The following PACC1 variants were observed in gnomAD, a reference collection of about 807,000 sequenced individuals.
The protein encoded by PACC1 is proton activated chloride channel 1.
Under a neutral mutation model 39.7 loss-of-function variants are expected in PACC1, and 34 were observed. The ratio of observed to expected loss-of-function variants is 0.86; its 90% CI spans 0.65 to 1.14. The LOEUF (loss-of-function observed/expected upper bound fraction) is 1.14, where lower values mean the gene tolerates loss of function less well. Among genes scored for constraint, PACC1 ranks in the 50% most tolerant of loss-of-function variants. The pLI is 0.00. For synonymous variants in PACC1, 127 were observed against 160.6 expected, an observed-to-expected ratio of 0.79 and a Z score of 1.58; for missense variants, 379 against 436.4, an observed-to-expected ratio of 0.87 and a Z score of 1.17.
chr1:212,408,766 G>C (rs1035070585), intron 2 of PACC1, among the ~76,000 whole-genome samples: 7 of 152,214 alleles, frequency 4.6e-5, no homozygotes, highest in African/African-American at 1.7e-4. Flanking sequence ...TTGAAGTCAG[G>C]CTGGGGCTTC....
intron 7 of PACC1, among the ~76,000 whole-genome samples, chr1:212,368,818 G>C (rs1378267457): frequency 1.3e-5 from 2 of 152,022 alleles, no homozygotes; most frequent in Non-Finnish European, 2.9e-5. Flanking sequence ...GGATCACAAG[G>C]TCATGAGATC....
chr1:212,409,776 C>T (rs756876785), intron 2 of PACC1, among the ~76,000 whole-genome samples: 2 of 152,106 alleles, frequency 1.3e-5, no homozygotes, highest in African/African-American at 2.4e-5. Flanking sequence ...ATGGGAGTCA[C>T]GTGTGAGCAA....
intron 2 of PACC1, 65 bp downstream of exon 2, chr1:212,410,360 G>A: frequency 2.0e-6 from 3 of 1,474,470 alleles, no homozygotes; most frequent in Non-Finnish European, 2.8e-6. Flanking sequence ...CCCACAGTTG[G>A]CAAGGCGCCT....
rs187180309 is a variant in PACC1 at position 212,405,190 on chromosome 1, T to C, written c.133+5235A>G. 5.3e-5 allele frequency among the ~76,000 whole-genome samples: 8 copies of C among 152,242 alleles called. No homozygotes were observed. The East Asian group carries it at 1.5e-3, about 29-fold the overall frequency. Reference sequence around the variant, plus strand: ...GCTCCTAGATGAGAGGCTCTCTTGCTCTAAATCTCCACTGCTCTCCCCCAG... The same window carrying C: ...GCTCCTAGATGAGAGGCTCTCTTGCCCTAAATCTCCACTGCTCTCCCCCAG... On this transcript the variant is annotated intron_variant, in intron 2 of 7. Transcript: ENST00000261455.
intron 2 of PACC1, among the ~76,000 whole-genome samples, chr1:212,389,079 A>G (rs1456929979): frequency 6.6e-6 from 1 of 152,234 alleles, no homozygotes; most frequent in African/African-American, 2.4e-5. Context: ...GTAGAAATTG[A>G]AAGAGAGGCT....
At chr1:212,389,264 G>T (rs1445687515) in intron 2 of PACC1, among the ~76,000 whole-genome samples, 7 of 152,166 alleles carry the variant, frequency 4.6e-5, no homozygotes, top group Middle Eastern at 3.2e-3. Context: ...GCCACACAGG[G>T]GGTGAAACTC....
chr1:212,396,666 T>A (rs1661530497), intron 2 of PACC1, among the ~76,000 whole-genome samples: 1 of 106,604 alleles, frequency 9.4e-6, no homozygotes, highest in African/African-American at 3.8e-5. Flanking sequence ...AACTTACAGA[T>A]CCAAGAAGCT....
chr1:212,389,475 C>A (rs1313149216), intron 2 of PACC1, among the ~76,000 whole-genome samples: 1 of 152,092 alleles, frequency 6.6e-6, no homozygotes, highest in Non-Finnish European at 1.5e-5. Flanking sequence ...AAGATCATAA[C>A]AGAATCCAGA....
At chr1:212,376,347 A>C (rs1240363400) in intron 6 of PACC1, among the ~76,000 whole-genome samples, 1 of 152,200 alleles carries the variant, frequency 6.6e-6, no homozygotes, top group East Asian at 1.9e-4. Context: ...AGTTTTGTTC[A>C]AAAGAGCTCA....
At chr1:212,382,614 A>T (rs1259004746) in intron 4 of PACC1, among the ~76,000 whole-genome samples, 2 of 152,222 alleles carry the variant, frequency 1.3e-5, no homozygotes, top group Admixed American at 6.5e-5. Flanking sequence ...CATGAACTTG[A>T]TTAGATGCGA....
At chr1:212,379,522 C>T (rs1028148562) in intron 5 of PACC1, among the ~76,000 whole-genome samples, 10 of 152,178 alleles carry the variant, frequency 6.6e-5, no homozygotes, top group Non-Finnish European at 1.2e-4. Context: ...AGATGTGGTT[C>T]CTGTGCACAC....
chr1:212,376,967 A>C lies in PACC1; in HGVS notation c.783+595T>G, dbSNP rs188317339. 9 of 152,364 alleles carry C rather than the reference A, an allele frequency of 5.9e-5. No homozygotes were observed. The East Asian group carries it at 1.7e-3, about 29-fold the overall frequency. 9.4% of individuals were successfully genotyped at this position (152,364 alleles called of 1,614,324 possible). On this transcript the variant is annotated intron_variant, in intron 6 of 7. Transcript: ENST00000261455. ...TTAACATTTCTATTTTTGAATGTTT[A>C]AAGTGTATATAACACTAAGACAATA...
intron 2 of PACC1, among the ~76,000 whole-genome samples, chr1:212,390,881 G>A (rs1041366037): frequency 6.6e-6 from 1 of 152,262 alleles, no homozygotes; most frequent in Non-Finnish European, 1.5e-5. Flanking sequence ...CAAGGCGGCA[G>A]TGAGGCTGGG....
intron 5 of PACC1, among the ~76,000 whole-genome samples, chr1:212,378,317 G>A (rs865858311): frequency 1.3e-5 from 2 of 152,202 alleles, no homozygotes; most frequent in African/African-American, 2.4e-5. Flanking sequence ...GTGGGATCCC[G>A]GGGAAAGTCT....
intron 2 of PACC1, among the ~76,000 whole-genome samples, chr1:212,402,429 T>C (rs1379073570): frequency 1.3e-5 from 2 of 152,270 alleles, no homozygotes. Flanking sequence ...GTTGGCATTA[T>C]TTCATGTGCT....
Position 212,414,770 on chromosome 1 carries a change from A to C in PACC1, c.-13T>G. 3 of 1,612,754 alleles carry C rather than the reference A, an allele frequency of 1.9e-6. No individual in the cohort carries two copies. The highest frequency in any genetic ancestry group is 2.5e-6 in the Non-Finnish European group (3 of 1,179,048). ...CCTGCCGGATCATGGCACTGACCAG[A>C]GCTTCGGCACACCTGAGACCGCCCC... is the stretch of plus-strand genomic sequence containing the variant. On this transcript the variant is annotated 5_prime_UTR_variant, in exon 1 of 8. Coordinates refer to ENST00000261455, the MANE Select transcript of PACC1 (RefSeq NM_018252.3).
chr1:212,366,119 C>G (rs1660234542), intron 7 of PACC1, among the ~76,000 whole-genome samples: 1 of 152,080 alleles, frequency 6.6e-6, no homozygotes, highest in Non-Finnish European at 1.5e-5. Context: ...AAGCTAAAAC[C>G]CTTTCTGGAC....
intron 2 of PACC1, among the ~76,000 whole-genome samples, chr1:212,391,184 C>G (rs1661306817): frequency 1.3e-5 from 2 of 152,208 alleles, no homozygotes; most frequent in African/African-American, 4.8e-5. Context: ...ATCTGGGAGG[C>G]ACCCCCAAGT....
At chr1:212,376,163 C>T (rs1035151490) in intron 6 of PACC1, among the ~76,000 whole-genome samples, 15 of 152,068 alleles carry the variant, frequency 9.9e-5, no homozygotes, top group African/African-American at 3.6e-4. Flanking sequence ...GGAGAGCAGA[C>T]AGGTAACAAA....
Sources: gnomAD v4.1 joint callset for allele counts (sites outside exome capture counted in the v4.1 genomes callset) on GRCh38, gnomAD v4.1.1 for gene constraint, MANE v1.5 for transcripts, NCBI Gene and HGNC (gene_info 2026-07-23, HGNC 2026-07-21) for gene names.